The following ZNF773 variants were observed in gnomAD, a reference collection of about 807,000 sequenced individuals.
ZNF773 encodes the protein zinc finger protein 419B.
ZNF773 carries 11 observed loss-of-function variants against 12.8 expected under a neutral mutation model. That is an observed-to-expected ratio of 0.86 (90% confidence interval 0.54 to 1.42). The LOEUF (loss-of-function observed/expected upper bound fraction) is 1.42, where lower values mean the gene tolerates loss of function less well. Among genes scored for constraint, ZNF773 ranks in the 40% most tolerant of loss-of-function variants. The pLI, the probability that ZNF773 is intolerant of heterozygous loss-of-function variation, is 0.00. For synonymous variants in ZNF773, 175 were observed against 178.4 expected, an observed-to-expected ratio of 0.98 and a Z score of 0.15; for missense variants, 518 against 527.2, an observed-to-expected ratio of 0.98 and a Z score of 0.17.
chr19:57,504,040 C>A (rs56095172), intron 1 of ZNF773, among the ~76,000 whole-genome samples: 31,499 of 152,084 alleles, frequency 0.21, 3,386 homozygotes, highest in African/African-American at 0.25. Flanking sequence ...AAGAGTGCCA[C>A]AGGTGTCCAG....
At chr19:57,501,870 C>G (rs963478775) in intron 1 of ZNF773, among the ~76,000 whole-genome samples, 2 of 152,152 alleles carry the variant, frequency 1.3e-5, no homozygotes, top group African/African-American at 4.8e-5. Context: ...GGCTATTCTC[C>G]CTCCCCTTCC....
chr19:57,508,474 A>C (rs759421246), downstream of ZNF773: 1 of 694,220 alleles, frequency 1.4e-6, no homozygotes, highest in South Asian at 1.5e-5. Flanking sequence ...ATAAACCCTT[A>C]TGTCCGCTTC....
intron 3 of ZNF773, 144 bp downstream of exon 3, chr19:57,505,544 T>A: frequency 1.0e-6 from 1 of 967,900 alleles, no homozygotes; most frequent in Non-Finnish European, 1.7e-6. Flanking sequence ...CAGTCACCCA[T>A]TTATATCTAT....
rs4801493 is a variant in ZNF773 at position 57,507,858 on chromosome 19, A to C, written c.*434A>C. 56,117 of 289,472 alleles carry C rather than the reference A, an allele frequency of 0.19. 5,668 individuals carry two copies. Among genetic ancestry groups the C allele is most frequent in the African/African-American group, 0.25 (11,036 of 43,626 alleles). The allele number at this position is 289,472 out of a possible 1,614,324, so 17.9% of individuals were successfully genotyped here. A position where few individuals can be genotyped will look rare whatever the true frequency, so the allele number is the denominator to read the frequency against. ...CATGGTGGTGGGCGCCTGTAGTCCC[A>C]GCTACTCAGGAGGCTGAGGCAGAAG... On this transcript the variant is annotated 3_prime_UTR_variant, in exon 4 of 4. Transcript: ENST00000282292.
At chr19:57,508,545 T>A (rs1472131646), downstream of ZNF773, 18 of 701,242 alleles carry the variant, frequency 2.6e-5, no homozygotes, top group East Asian at 4.6e-4. Flanking sequence ...GGTCGGCAAA[T>A]CTCCTCACTC....
rs773969811 is a variant in ZNF773 at position 57,505,391 on chromosome 19, A to G, written c.253A>G (p.Ile85Val). Residue 85 changes from isoleucine (I) to valine (V), a missense_variant, in exon 3 of 4, where the codon ATA becomes GTA. Coordinates refer to ENST00000282292, the MANE Select transcript of ZNF773 (RefSeq NM_198542.3). ...MPAWEVVTSA[I>V]LRGSWQGAKA... ...TGCTTGGGAAGTTGTGACTTCAGCC[A>G]TACTGAGAGGTACTTGGTGGGTGGA... 4.3e-6 allele frequency: 7 copies of G among 1,614,114 alleles called. No individual in the cohort carries two copies. Among genetic ancestry groups the G allele is most frequent in the East Asian group, 2.2e-5 (1 of 44,868 alleles).
rs1305656332 is a variant in ZNF773 at position 57,505,364 on chromosome 19, C to T, written c.226C>T (p.Pro76Ser). 4.3e-6 allele frequency: 7 copies of T among 1,613,988 alleles called. No homozygotes were observed. The highest frequency in any genetic ancestry group is 5.9e-6 in the Non-Finnish European group (7 of 1,180,024). ...QLESWEEPFM[P>S]AWEVVTSAIL... ...GGAGTCATGGGAGGAGCCCTTCATG[C>T]CTGCTTGGGAAGTTGTGACTTCAGC... Residue 76 changes from proline to serine, a missense_variant, in exon 3 of 4, where the codon CCT becomes TCT. Pro to Ser is a moderately conservative substitution (Grantham distance 74, BLOSUM62 -1). Coordinates refer to ENST00000282292, the MANE Select transcript of ZNF773 (RefSeq NM_198542.3).
At chr19:57,508,774 C>T (rs2089773859), downstream of ZNF773, among the ~76,000 whole-genome samples, 1 of 151,748 alleles carries the variant, frequency 6.6e-6, no homozygotes, top group South Asian at 2.1e-4. Context: ...TTGTATTTTT[C>T]GAATGACTCA....
chr19:57,513,974 G>A (rs2089816192), downstream of ZNF773: 1 of 152,228 alleles, frequency 6.6e-6, no homozygotes, highest in South Asian at 2.1e-4. Context: ...ATCAAAGGGA[G>A]CCTGTCTCTT....
At chr19:57,513,148 T>A, downstream of ZNF773, 1 of 1,386,052 alleles carries the variant, frequency 7.2e-7, no homozygotes, top group Non-Finnish European at 9.4e-7. Flanking sequence ...GCAGTGGATA[T>A]AAGGTCAGTG....
rs1951680032 is a variant in ZNF773 at position 57,506,258 on chromosome 19, G to A, written c.263-100G>A. 9 of 1,524,128 alleles carry A rather than the reference G, an allele frequency of 5.9e-6. No homozygotes were observed. In the South Asian group the frequency reaches 9.2e-5, roughly 16 times the overall value. The allele number at this position is 1,524,128 out of a possible 1,614,324, so 94.4% of individuals were successfully genotyped here. A position where few individuals can be genotyped will look rare whatever the true frequency, so the allele number is the denominator to read the frequency against. On this transcript the variant is annotated intron_variant, in intron 3 of 3. Transcript: ENST00000282292. ...CGCTAGCCCCCTCATTCTGCAAGCA[G>A]TCCCACACGCTAATTACCAGGTGTG...
At chr19:57,516,672 G>A (rs2089834059), downstream of ZNF773, 1 of 152,184 alleles carries the variant, frequency 6.6e-6, no homozygotes, top group African/African-American at 2.4e-5. Context: ...TACTGGTGTA[G>A]TTACTAATCA....
downstream of ZNF773, chr19:57,518,122 G>C (rs1298887782): frequency 1.3e-5 from 2 of 153,102 alleles, no homozygotes; most frequent in Non-Finnish European, 2.9e-5. Context: ...TATACCACTG[G>C]AGGCTATATG....
chr19:57,502,314 C>G (rs527329228), intron 1 of ZNF773, among the ~76,000 whole-genome samples: 116 of 152,216 alleles, frequency 7.6e-4, no homozygotes, highest in African/African-American at 2.6e-3. Context: ...GCATAGTGAT[C>G]AACATTAGAA....
chr19:57,512,042 T>C (rs1465748382), downstream of ZNF773, among the ~76,000 whole-genome samples: 1 of 152,138 alleles, frequency 6.6e-6, no homozygotes, highest in East Asian at 1.9e-4. Context: ...TACAGGAAAA[T>C]GTTATCAGGC....
At chr19:57,510,120 C>T (rs1016264755), downstream of ZNF773, among the ~76,000 whole-genome samples, 8 of 152,112 alleles carry the variant, frequency 5.3e-5, no homozygotes, top group African/African-American at 1.9e-4. Flanking sequence ...GTTGTAAAGC[C>T]TTTTTAAATA....
chr19:57,511,750 C>G (rs2089797824), downstream of ZNF773, among the ~76,000 whole-genome samples: 1 of 151,920 alleles, frequency 6.6e-6, no homozygotes, highest in Admixed American at 6.6e-5. Context: ...CACACATACA[C>G]ACACTCAAAA....
intron 1 of ZNF773, 29 bp from the exon 2 acceptor site, chr19:57,504,628 G>A (rs776431484): frequency 2.2e-5 from 36 of 1,611,814 alleles, no homozygotes; most frequent in Middle Eastern, 1.7e-4. Context: ...TAAGGAGACC[G>A]CAGATAAACT....
chr19:57,506,612 A>G lies in ZNF773; in HGVS notation c.517A>G (p.Lys173Glu), dbSNP rs778999095. The change falls in exon 4 of 4, where the codon AAG (lysine) becomes GAG (glutamate). Residue 173 changes from lysine (K) to glutamate (E), a missense_variant. Physicochemically the swap from Lys to Glu is moderately conservative, Grantham distance 56. Coordinates refer to ENST00000282292, the MANE Select transcript of ZNF773 (RefSeq NM_198542.3). ...LKHQVTHTGE[K>E]SHRSSKSREA... ...GCACCAGGTGACTCACACGGGAGAGAAGTCACATAGGAGCTCCAAAAGTAG... is the reference window on the plus strand; with the variant it reads ...GCACCAGGTGACTCACACGGGAGAGGAGTCACATAGGAGCTCCAAAAGTAG... The G allele has an allele frequency of 1.2e-6, 2 of 1,614,094 alleles. No individual in the cohort carries two copies. The highest frequency in any genetic ancestry group is 2.7e-5 in the African/African-American group (2 of 74,938).
Sources: gnomAD v4.1 joint callset for allele counts (sites outside exome capture counted in the v4.1 genomes callset) on GRCh38, gnomAD v4.1.1 for gene constraint, MANE v1.5 for transcripts, NCBI Gene and HGNC (gene_info 2026-07-23, HGNC 2026-07-21) for gene names.